Variants in FHIP1A observed in about 807,000 individuals in gnomAD.
FHIP1A encodes the protein FHF complex subunit HOOK interacting protein 1A, also known as FHF complex subunit HOOK-interacting protein 1A.
In FHIP1A, 61 loss-of-function variants were observed where a neutral mutation model predicts 88.6. The ratio of observed to expected loss-of-function variants is 0.69; its 90% CI spans 0.56 to 0.85. The LOEUF is 0.85. Ranked by LOEUF, FHIP1A falls within the 40% of genes least tolerant of loss-of-function variation. The pLI is 0.00. For missense variants in FHIP1A, 1,154 were observed against 1,273.5 expected (o/e 0.91, Z 1.43); for synonymous variants, 478 against 496.0 (o/e 0.96, Z 0.48).
In FHIP1A at chr4:151,667,183, G is replaced by GT. The variant is rs1737696520; in HGVS notation, c.*4430dup. 1.3e-5 allele frequency: 2 copies of GT among 152,244 alleles called. No individual in the cohort carries two copies. Among genetic ancestry groups the GT allele is most frequent in the African/African-American group, 4.8e-5 (2 of 41,452 alleles). The allele number at this position is 152,244 out of a possible 1,614,324, so 9.4% of individuals were successfully genotyped here. A position where few individuals can be genotyped will look rare whatever the true frequency, so the allele number is the denominator to read the frequency against. ...GTGTGAGCTCTTCCTGGAAACAGCAGTCTCTTGTAGCTGATGCCACATCAG... is the reference window on the plus strand; with the variant it reads ...GTGTGAGCTCTTCCTGGAAACAGCAGTTCTCTTGTAGCTGATGCCACATCAG... On this transcript the variant is annotated 3_prime_UTR_variant, in exon 14 of 14. Coordinates refer to ENST00000435205, the MANE Select transcript of FHIP1A (RefSeq NM_001109977.3).
chr4:151,437,342 C>G (rs745955412), intron 1 of FHIP1A, among the ~76,000 whole-genome samples: 2 of 151,902 alleles, frequency 1.3e-5, no homozygotes, highest in African/African-American at 4.8e-5. Context: ...GAGATCCTCC[C>G]AAGGATGACC....
At chr4:151,638,799 ATACTTTATAT>A in intron 9 of FHIP1A, 43 bp downstream of exon 9, 1 of 1,082,576 alleles carries the variant, frequency 9.2e-7, no homozygotes, top group Non-Finnish European at 1.4e-6. Flanking sequence ...AATTCACTTT[ATACTTTATAT>A]TACTTTATAT....
rs572139746 is a variant in FHIP1A at position 151,511,642 on chromosome 4, A to G, written c.-123+28994A>G. On this transcript the variant is annotated intron_variant, in intron 3 of 13. Coordinates refer to ENST00000435205, the MANE Select transcript of FHIP1A (RefSeq NM_001109977.3). ...CGCACCAGGAGATTATATCCCGCAC[A>G]TGGCTCGGAGAGTCCTACACCCACA... 2.0e-4 allele frequency among the ~76,000 whole-genome samples: 30 copies of G among 152,338 alleles called. No homozygotes were observed. In the South Asian group the frequency reaches 3.9e-3, roughly 20 times the overall value.
At chr4:151,657,712 A>G (rs1479698559) in intron 13 of FHIP1A, among the ~76,000 whole-genome samples, 1 of 152,192 alleles carries the variant, frequency 6.6e-6, no homozygotes, top group African/African-American at 2.4e-5. Flanking sequence ...GTGGCAGATG[A>G]ACAGTGGGGA....
intron 7 of FHIP1A, among the ~76,000 whole-genome samples, chr4:151,594,180 A>G (rs1734556660): frequency 6.6e-6 from 1 of 152,200 alleles, no homozygotes; most frequent in Non-Finnish European, 1.5e-5. Context: ...GATGTTCATC[A>G]GGGACATTGG....
intron 7 of FHIP1A, among the ~76,000 whole-genome samples, chr4:151,595,519 T>C (rs906359078): frequency 6.6e-6 from 1 of 152,198 alleles, no homozygotes; most frequent in Non-Finnish European, 1.5e-5. Flanking sequence ...TGGAGAGTCC[T>C]GTAGATGTCT....
At position 151,500,124 on chromosome 4, in the gene FHIP1A, C is replaced by G. The variant is rs75358880; in HGVS notation, c.-123+17476C>G. Among the ~76,000 whole-genome samples the G allele has an allele frequency of 7.5e-4, 114 of 152,270 alleles. 1 individual carries two copies. The highest frequency in any genetic ancestry group is 2.6e-3 in the African/African-American group (110 of 41,552). ...TGCATATGGATATTATGGCCACTATCAGGCCTGTATTAGAGACTGTTTTGA... is the reference window on the plus strand; with the variant it reads ...TGCATATGGATATTATGGCCACTATGAGGCCTGTATTAGAGACTGTTTTGA... On this transcript the variant is annotated intron_variant, in intron 3 of 13. Coordinates refer to ENST00000435205, the MANE Select transcript of FHIP1A (RefSeq NM_001109977.3).
intron 13 of FHIP1A, among the ~76,000 whole-genome samples, chr4:151,657,220 A>G (rs576089213): frequency 6.6e-6 from 1 of 152,246 alleles, no homozygotes; most frequent in East Asian, 1.9e-4. Context: ...ATGGGCCAGA[A>G]AGAGGCATTA....
intron 3 of FHIP1A, among the ~76,000 whole-genome samples, chr4:151,527,200 C>G (rs577737148): frequency 2.9e-3 from 442 of 152,274 alleles, no homozygotes; most frequent in African/African-American, 0.01. Context: ...TGTAGCGAGC[C>G]GAGATCACGC....
intron 1 of FHIP1A, among the ~76,000 whole-genome samples, chr4:151,443,769 A>G (rs1728496243): frequency 6.8e-6 from 1 of 147,184 alleles, no homozygotes; most frequent in African/African-American, 2.5e-5. Context: ...CACCCCCAAA[A>G]TGCCGTGAGG....
chr4:151,512,845 T>C (rs1342559015), intron 3 of FHIP1A, among the ~76,000 whole-genome samples: 4 of 152,148 alleles, frequency 2.6e-5, no homozygotes, highest in East Asian at 1.9e-4. Context: ...CTGAAAGTGA[T>C]GGGGAGAATG....
intron 3 of FHIP1A, among the ~76,000 whole-genome samples, chr4:151,516,679 C>T (rs974189879): frequency 6.6e-6 from 1 of 152,208 alleles, no homozygotes; most frequent in African/African-American, 2.4e-5. Context: ...GACATTTATG[C>T]AGCCAAAAGA....
intron 3 of FHIP1A, among the ~76,000 whole-genome samples, chr4:151,533,383 C>T (rs1429894845): frequency 6.6e-6 from 1 of 151,702 alleles, no homozygotes; most frequent in Non-Finnish European, 1.5e-5. Context: ...CCACTACACT[C>T]CAGCCTAGGA....
chr4:151,631,737 C>T lies in FHIP1A; in HGVS notation c.1146+1868C>T, dbSNP rs924763667. Among the ~76,000 whole-genome samples the T allele has an allele frequency of 2.6e-5, 4 of 152,252 alleles. No individual in the cohort carries two copies. The South Asian group carries it at 6.2e-4, about 24-fold the overall frequency. On this transcript the variant is annotated intron_variant, in intron 8 of 13. Transcript: ENST00000435205. ...TGCAGGAAAATTGGTGGCATTATTA[C>T]CTGCTCTAGCCATGTCCCCTCCCCA... is the stretch of plus-strand genomic sequence containing the variant.
chr4:151,425,727 C>G (rs1011062157), intron 1 of FHIP1A, among the ~76,000 whole-genome samples: 2 of 152,120 alleles, frequency 1.3e-5, no homozygotes, highest in African/African-American at 2.4e-5. Flanking sequence ...TCCAAAGACT[C>G]TAGGGGAGAA....
chr4:151,467,986 TAAAAAAA>T (rs34475856), intron 2 of FHIP1A, among the ~76,000 whole-genome samples: 1 of 133,758 alleles, frequency 7.5e-6, no homozygotes, highest in Admixed American at 7.6e-5. Context: ...TCCCGGAACT[TAAAAAAA>T]AAAAAAAAAA....
chr4:151,590,032 G>A (rs1368489066), intron 7 of FHIP1A, among the ~76,000 whole-genome samples: 1 of 152,124 alleles, frequency 6.6e-6, no homozygotes, highest in African/African-American at 2.4e-5. Context: ...GGAAAATAAG[G>A]GATTAACTCT....
intron 8 of FHIP1A, among the ~76,000 whole-genome samples, chr4:151,636,269 C>T (rs1736349359): frequency 6.6e-6 from 1 of 151,870 alleles, no homozygotes; most frequent in African/African-American, 2.4e-5. Context: ...GGGGAACTTC[C>T]TAGCAATCTG....
chr4:151,638,418 A>T (rs527738377), intron 8 of FHIP1A, among the ~76,000 whole-genome samples: 7 of 151,936 alleles, frequency 4.6e-5, no homozygotes, highest in Middle Eastern at 3.4e-3. Context: ...TAAAAGTTGG[A>T]AATATGAGCC....
Sources: allele counts gnomAD v4.1 joint callset (sites outside exome capture counted in the v4.1 genomes callset), GRCh38; gene constraint gnomAD v4.1.1; transcripts MANE v1.5; gene names NCBI Gene and HGNC (gene_info 2026-07-23, HGNC 2026-07-21).